APLP2: variants seen among roughly 807,000 people sequenced by gnomAD.
APLP2 encodes the protein CDEI box-binding protein.
A neutral mutation model predicts 89.9 loss-of-function variants in APLP2; 53 were observed. The ratio of observed to expected loss-of-function variants is 0.59; its 90% confidence interval spans 0.47 to 0.74. The LOEUF (loss-of-function observed/expected upper bound fraction) is 0.74. Among genes scored for constraint, APLP2 ranks in the 30% least tolerant of loss-of-function variants. The probability of loss-of-function intolerance (pLI) is 0.00; values close to 1 mark genes in which losing one functional copy is unlikely to be tolerated. For synonymous variants in APLP2, 372 were observed against 348.6 expected, an observed-to-expected ratio of 1.07 and a Z score of -0.75; for missense variants, 973 against 975.9, an observed-to-expected ratio of 1.00 and a Z score of 0.04.
chr11:130,101,807 G>GT, intron 1 of APLP2: 1 of 389,538 alleles, frequency 2.6e-6, no homozygotes, highest in African/African-American at 2.1e-5. Flanking sequence ...GCACAGCACT[G>GT]TTAACTGACT....
At chr11:130,101,990 A>T (rs1039719968) in intron 1 of APLP2, 16 of 456,044 alleles carry the variant, frequency 3.5e-5, no homozygotes, top group Middle Eastern at 3.2e-4. Flanking sequence ...CTCATTGTGG[A>T]TGAGATTAAT....
In APLP2 at chr11:130,133,665, A is replaced by C. The variant is rs762454901; in HGVS notation, c.1621A>C (p.Asn541His). The change falls in exon 12 of 17, where the codon AAC becomes CAC. Residue 541 changes from asparagine to histidine, a missense_variant. Asn to His is a moderately conservative substitution (Grantham distance 68, BLOSUM62 1). Transcript: ENST00000338167. ...TCTCCACGTGATTGAAGAAAGGAGG[A>C]ACCAAAGCCTCTCTCTGCTCTACAA... ...THLHVIEERRNQSLSLLYKVP... is the reference protein window; with the variant it reads ...THLHVIEERRHQSLSLLYKVP... 8.7e-6 allele frequency: 14 copies of C among 1,614,070 alleles called. No homozygotes were observed. The highest frequency in any genetic ancestry group is 1.2e-5 in the Non-Finnish European group (14 of 1,180,022).
chr11:130,110,178 T>A (rs758661727), intron 2 of APLP2, among the ~76,000 whole-genome samples: 10 of 152,242 alleles, frequency 6.6e-5, no homozygotes, highest in Non-Finnish European at 1.5e-4. Context: ...GTAATTTCAT[T>A]GACAGATGTT....
chr11:130,074,998 T>A (rs1941853239), intron 1 of APLP2, among the ~76,000 whole-genome samples: 1 of 152,216 alleles, frequency 6.6e-6, no homozygotes, highest in African/African-American at 2.4e-5. Context: ...TAATTAAATT[T>A]AGTGTATTGT....
At chr11:130,122,569 C>G (rs1216042447) in intron 6 of APLP2, 56 bp downstream of exon 6, 1 of 1,606,866 alleles carries the variant, frequency 6.2e-7, no homozygotes, top group Non-Finnish European at 8.5e-7. Flanking sequence ...TTCACTTAGA[C>G]TTTTGCATTG....
chr11:130,091,868 G>A (rs1416852181), intron 1 of APLP2, among the ~76,000 whole-genome samples: 3 of 144,028 alleles, frequency 2.1e-5, no homozygotes, highest in Non-Finnish European at 3.0e-5. Flanking sequence ...GGGTGGAGAC[G>A]CTCCTCACTT....
At chr11:130,070,748 G>T in intron 1 of APLP2, 1 of 1,438,474 alleles carries the variant, frequency 7.0e-7, no homozygotes, top group Non-Finnish European at 9.1e-7. Context: ...CCCGCTCTGG[G>T]TGCGTTGACC....
intron 1 of APLP2, among the ~76,000 whole-genome samples, chr11:130,090,517 C>T (rs1194910822): frequency 1.3e-5 from 2 of 151,844 alleles, no homozygotes; most frequent in Admixed American, 1.3e-4. Context: ...CATTTTGCAC[C>T]GCCCTTAATC....
At chr11:130,134,695 A>C (rs1312817067) in intron 12 of APLP2, among the ~76,000 whole-genome samples, 1 of 152,224 alleles carries the variant, frequency 6.6e-6, no homozygotes, top group East Asian at 1.9e-4. Context: ...GGGAGTATGC[A>C]CTGAAGGGGT....
At chr11:130,112,215 C>G (rs1948670156) in intron 3 of APLP2, among the ~76,000 whole-genome samples, 1 of 152,234 alleles carries the variant, frequency 6.6e-6, no homozygotes, top group African/African-American at 2.4e-5. Flanking sequence ...TGACATCTGT[C>G]AGGCATTCTG....
At chr11:130,074,198 TTTG>T (rs902270785) in intron 1 of APLP2, among the ~76,000 whole-genome samples, 144 of 152,214 alleles carry the variant, frequency 9.5e-4, no homozygotes, top group African/African-American at 2.7e-3. Flanking sequence ...GAAAACATGT[TTTG>T]TTGTTGTTGT....
chr11:130,083,928 T>C (rs1943666417), intron 1 of APLP2, among the ~76,000 whole-genome samples: 1 of 152,216 alleles, frequency 6.6e-6, no homozygotes, highest in Non-Finnish European at 1.5e-5. Flanking sequence ...GGCTGCACCA[T>C]TTTTTCACCA....
At chr11:130,121,568 G>A (rs369959621) in intron 4 of APLP2, 46 bp from the exon 5 acceptor site, 124 of 1,546,590 alleles carry the variant, frequency 8.0e-5, no homozygotes, top group South Asian at 4.6e-4. Context: ...ATTTGACCAC[G>A]TTTACTCTGG....
chr11:130,126,025 A>G (rs948649627), intron 7 of APLP2, among the ~76,000 whole-genome samples: 9 of 152,284 alleles, frequency 5.9e-5, no homozygotes, highest in Middle Eastern at 3.4e-3. Flanking sequence ...AAAAAGCCCT[A>G]TCTTCATATC....
chr11:130,101,037 A>G (rs1213170662), intron 1 of APLP2, among the ~76,000 whole-genome samples: 1 of 149,380 alleles, frequency 6.7e-6, no homozygotes, highest in African/African-American at 2.5e-5. Context: ...CACTGTTTGG[A>G]CAGTAAAAAA....
At chr11:130,134,450 A>G (rs1951312311) in intron 12 of APLP2, among the ~76,000 whole-genome samples, 1 of 152,190 alleles carries the variant, frequency 6.6e-6, no homozygotes, top group Admixed American at 6.5e-5. Context: ...TGGCTACAAC[A>G]TAGCAAAGGG....
At chr11:130,135,410 G>A (rs1273152805) in intron 12 of APLP2, among the ~76,000 whole-genome samples, 153 bp from the exon 13 acceptor site, 4 of 152,146 alleles carry the variant, frequency 2.6e-5, no homozygotes, top group Admixed American at 6.5e-5. Flanking sequence ...TGGGGTCCCT[G>A]GTGTTGGGGC....
chr11:130,075,595 A>C (rs544594071), intron 1 of APLP2, among the ~76,000 whole-genome samples: 5 of 152,290 alleles, frequency 3.3e-5, no homozygotes, highest in African/African-American at 9.6e-5. Context: ...AGCTCCCCGG[A>C]TGATTCTAAT....
chr11:130,130,200 G>A, intron 11 of APLP2, 34 bp downstream of exon 11: 3 of 1,614,130 alleles, frequency 1.9e-6, no homozygotes, highest in Non-Finnish European at 2.5e-6. Context: ...GCTGCCGTGA[G>A]GGCATTTCCA....
Sources: gnomAD v4.1 joint callset for allele counts (sites outside exome capture counted in the v4.1 genomes callset) on GRCh38, gnomAD v4.1.1 for gene constraint, MANE v1.5 for transcripts, NCBI Gene and HGNC (gene_info 2026-07-23, HGNC 2026-07-21) for gene names.